The following FGF1 variants were observed in gnomAD, a reference collection of about 807,000 sequenced individuals.
The protein encoded by FGF1 is fibroblast growth factor 1.
FGF1 carries 9 observed loss-of-function variants against 13.4 expected under a neutral mutation model. The ratio of observed to expected loss-of-function variants is 0.67; its 90% CI spans 0.40 to 1.17. The LOEUF is 1.17. FGF1 is among the 50% of genes most tolerant of loss of function. The probability of loss-of-function intolerance (pLI) is 0.01; values close to 1 mark genes in which losing one functional copy is unlikely to be tolerated. For missense variants in FGF1, 156 were observed against 192.7 expected (o/e 0.81, Z 1.13); for synonymous variants, 93 against 79.0 (o/e 1.18, Z -0.94).
At chr5:142,676,635 T>C (rs961925908) in intron 1 of FGF1, among the ~76,000 whole-genome samples, 1 of 152,116 alleles carries the variant, frequency 6.6e-6, no homozygotes, top group East Asian at 1.9e-4. Context: ...GGCTCTGAAA[T>C]AGGGAAAGGT....
intron 1 of FGF1, among the ~76,000 whole-genome samples, chr5:142,642,182 G>C (rs2053678): frequency 0.011 from 1,719 of 152,290 alleles, 33 homozygotes; most frequent in African/African-American, 0.039. Flanking sequence ...TTGGCTTCCT[G>C]GGTCACCAGA....
chr5:142,618,998 A>C (rs538845324), intron 1 of FGF1, among the ~76,000 whole-genome samples: 6 of 138,462 alleles, frequency 4.3e-5, no homozygotes, highest in Admixed American at 8.3e-5. Context: ...GCAGTGGCAC[A>C]ATCTCGGCTC....
At chr5:142,634,582 T>C (rs1763939200) in intron 1 of FGF1, among the ~76,000 whole-genome samples, 1 of 152,244 alleles carries the variant, frequency 6.6e-6, no homozygotes, top group East Asian at 1.9e-4. Context: ...TGGTTCCTCA[T>C]CTGAATAGTA....
intron 2 of FGF1, among the ~76,000 whole-genome samples, chr5:142,694,240 C>T (rs974924971): frequency 2.7e-5 from 4 of 147,442 alleles, no homozygotes; most frequent in Non-Finnish European, 4.5e-5. Flanking sequence ...CCTCAGATCT[C>T]TTACATTCCT....
chr5:142,694,741 C>T (rs973884080), intron 2 of FGF1, among the ~76,000 whole-genome samples: 17 of 152,138 alleles, frequency 1.1e-4, no homozygotes, highest in Admixed American at 3.3e-4. Flanking sequence ...CAACATTTCC[C>T]GCAAAGACCA....
chr5:142,674,890 G>A (rs1229872353), intron 1 of FGF1, among the ~76,000 whole-genome samples: 1 of 152,186 alleles, frequency 6.6e-6, no homozygotes, highest in Non-Finnish European at 1.5e-5. Flanking sequence ...GGCCTGGAGG[G>A]AACGAGAAGC....
intron 2 of FGF1, among the ~76,000 whole-genome samples, chr5:142,607,008 C>T (rs1391867196): frequency 6.6e-6 from 1 of 152,180 alleles, no homozygotes; most frequent in Non-Finnish European, 1.5e-5. Context: ...GATTCTCCTT[C>T]ATACATTTTA....
intron 1 of FGF1, among the ~76,000 whole-genome samples, chr5:142,638,395 T>G (rs898065666): frequency 6.6e-6 from 1 of 152,006 alleles, no homozygotes; most frequent in Non-Finnish European, 1.5e-5. Context: ...CACTAGTTAT[T>G]TGAGTGTTTC....
intron 1 of FGF1, chr5:142,627,045 G>C (rs1762574550): frequency 6.6e-6 from 1 of 152,192 alleles, no homozygotes; most frequent in Non-Finnish European, 1.5e-5. Context: ...GTCCAGGAGG[G>C]AGCTTGCATA....
intron 1 of FGF1, among the ~76,000 whole-genome samples, chr5:142,680,426 G>A (rs1773490192): frequency 6.6e-6 from 1 of 152,176 alleles, no homozygotes; most frequent in African/African-American, 2.4e-5. Context: ...GTACTGACAG[G>A]AGCTAAAACT....
rs75388475 is a variant in FGF1, at chr5:142,680,504, A to T, written c.-35+5453T>A. 7.5e-3 allele frequency among the ~76,000 whole-genome samples: 1,142 copies of T among 152,314 alleles called. 16 individuals carry two copies. The highest frequency in any genetic ancestry group is 0.026 in the African/African-American group (1,090 of 41,554). ...CTGGTAAGCTGCTAGTTCTGAGTTC[A>T]AATCCCCACTCAGTCACTTACTACC... On this transcript the variant is annotated intron_variant, in intron 1 of 3. Transcript: ENST00000337706.
chr5:142,691,483 A>G (rs937139630), intron 2 of FGF1, among the ~76,000 whole-genome samples: 2 of 150,036 alleles, frequency 1.3e-5, no homozygotes, highest in Non-Finnish European at 1.5e-5. Context: ...AATAAAATAA[A>G]TAAAATATTT....
chr5:142,614,602 G>C (rs555069582), intron 1 of FGF1, among the ~76,000 whole-genome samples: 1 of 152,170 alleles, frequency 6.6e-6, no homozygotes, highest in Non-Finnish European at 1.5e-5. Flanking sequence ...CTCACGTTGC[G>C]TTGGTGAGGT....
intron 1 of FGF1, among the ~76,000 whole-genome samples, chr5:142,629,939 G>A (rs536065783): frequency 6.8e-6 from 1 of 146,476 alleles, no homozygotes; most frequent in Admixed American, 6.9e-5. Context: ...TGTTGGCCAG[G>A]CTGGAGTGCA....
chr5:142,599,069 T>G (rs34006), intron 3 of FGF1, among the ~76,000 whole-genome samples: 1 of 152,026 alleles, frequency 6.6e-6, no homozygotes, highest in South Asian at 2.1e-4. Flanking sequence ...ACTGAACCCA[T>G]GTACGCTCTG....
chr5:142,692,903 C>T (rs1374346435), intron 2 of FGF1, among the ~76,000 whole-genome samples: 7 of 151,972 alleles, frequency 4.6e-5, no homozygotes, highest in African/African-American at 9.7e-5. Flanking sequence ...CTGATGAATC[C>T]GAGGTTTAAG....
chr5:142,665,467 G>C (rs1770125294), intron 1 of FGF1, among the ~76,000 whole-genome samples: 1 of 152,072 alleles, frequency 6.6e-6, no homozygotes, highest in Non-Finnish European at 1.5e-5. Context: ...TTCTGGCTGG[G>C]ATTTTCTCAA....
chr5:142,612,975 A>T (rs528713591), intron 2 of FGF1, among the ~76,000 whole-genome samples: 10 of 152,312 alleles, frequency 6.6e-5, no homozygotes, highest in African/African-American at 2.2e-4. Context: ...AGTGTTTTGC[A>T]TTGCATTTTG....
chr5:142,612,812 G>A (rs1759360605), intron 2 of FGF1, among the ~76,000 whole-genome samples: 1 of 152,134 alleles, frequency 6.6e-6, no homozygotes, highest in Admixed American at 6.6e-5. Context: ...GTCACCTCGT[G>A]TAAACGCCAG....
Sources: allele counts gnomAD v4.1 joint callset (sites outside exome capture counted in the v4.1 genomes callset), GRCh38; gene constraint gnomAD v4.1.1; transcripts MANE v1.5; gene names NCBI Gene and HGNC (gene_info 2026-07-23, HGNC 2026-07-21).